The following LRPAP1 variants were observed in gnomAD, a reference collection of about 807,000 sequenced individuals.
LRPAP1 encodes LDL receptor related protein associated protein 1.
Under a neutral mutation model 39.9 loss-of-function variants are expected in LRPAP1, and 41 were observed. That is an observed-to-expected ratio of 1.03 (90% CI 0.80 to 1.33). The LOEUF (loss-of-function observed/expected upper bound fraction) is 1.33. Among genes scored for constraint, LRPAP1 ranks in the 40% most tolerant of loss-of-function variants. The pLI, the probability that LRPAP1 is intolerant of heterozygous loss-of-function variation, is 0.00. For missense variants in LRPAP1, 565 were observed against 482.3 expected (o/e 1.17, Z -1.61); for synonymous variants, 263 against 212.7 (o/e 1.24, Z -2.06).
chr4:3,527,986 C>G (rs1730129880), intron 1 of LRPAP1, among the ~76,000 whole-genome samples: 1 of 152,220 alleles, frequency 6.6e-6, no homozygotes, highest in African/African-American at 2.4e-5. Context: ...CACCGCATGT[C>G]TCACAAAAGC....
intron 7 of LRPAP1, among the ~76,000 whole-genome samples, chr4:3,514,528 C>T (rs1241236935): frequency 6.6e-6 from 1 of 152,262 alleles, no homozygotes; most frequent in Non-Finnish European, 1.5e-5. Context: ...GCGCTCTCAC[C>T]TGAGGGTCGG....
chr4:3,512,384 T>A lies in LRPAP1; in HGVS notation c.*590A>T, dbSNP rs1729555153. 6.5e-6 allele frequency: 1 copy of A among 153,816 alleles called. No homozygotes were observed. The allele number at this position is 153,816 out of a possible 1,614,324, so 9.5% of individuals were successfully genotyped here. On this transcript the variant is annotated 3_prime_UTR_variant, in exon 8 of 8. Transcript: ENST00000650182. Reference sequence around the variant, plus strand: ...CCACAGAACCACACGCTCCACATCTTCCCCTCAAACTCAACTCAAGCGCTC... The same window carrying A: ...CCACAGAACCACACGCTCCACATCTACCCCTCAAACTCAACTCAAGCGCTC...
At chr4:3,520,850 C>T (rs73197137) in intron 2 of LRPAP1, among the ~76,000 whole-genome samples, 1 of 152,240 alleles carries the variant, frequency 6.6e-6, no homozygotes, top group Admixed American at 6.5e-5. Context: ...GATCTGCCCA[C>T]GTGGTGCTCC....
rs895249594 is a variant in LRPAP1 at position 3,507,464 on chromosome 4, C to T, written c.*5510G>A. 3 of 126,120 alleles carry T rather than the reference C, an allele frequency of 2.4e-5. No individual in the cohort carries two copies. The highest frequency in any genetic ancestry group is 5.0e-5 in the Non-Finnish European group (3 of 60,284). The allele number at this position is 126,120 out of a possible 1,614,324, so 7.8% of individuals were successfully genotyped here. ...CAAAGAATGTGATTTGTATTATTTACCTACATATCATATATTTATACATTA... is the reference window on the plus strand; with the variant it reads ...CAAAGAATGTGATTTGTATTATTTATCTACATATCATATATTTATACATTA... On this transcript the variant is annotated 3_prime_UTR_variant, in exon 8 of 8. Coordinates refer to ENST00000650182, the MANE Select transcript of LRPAP1 (RefSeq NM_002337.4).
intron 3 of LRPAP1, 30 bp from the exon 4 acceptor site, chr4:3,519,021 C>T (rs1681476785): frequency 6.2e-7 from 1 of 1,607,532 alleles, no homozygotes; most frequent in Non-Finnish European, 8.5e-7. Flanking sequence ...TGGAGTGAAC[C>T]CGCCGCGGGC....
intron 2 of LRPAP1, 87 bp from the exon 3 acceptor site, chr4:3,520,280 G>A: frequency 7.0e-7 from 1 of 1,438,808 alleles, no homozygotes; most frequent in East Asian, 2.3e-5. Context: ...CGGTGGGTGA[G>A]ACAGGTTTGC....
In LRPAP1 at chr4:3,504,683, G is replaced by A. The variant is rs1023886517; in HGVS notation, c.*8291C>T. Among the ~76,000 whole-genome samples, 25 of 149,084 alleles carry A rather than the reference G, an allele frequency of 1.7e-4. No individual in the cohort carries two copies. The highest frequency in any genetic ancestry group is 5.4e-4 in the African/African-American group (22 of 40,396). On this transcript the variant is annotated 3_prime_UTR_variant, in exon 8 of 8. Coordinates refer to ENST00000650182, the MANE Select transcript of LRPAP1 (RefSeq NM_002337.4). ...GAGAATTTCTTGAACCCAGGAGGTG[G>A]AGGTTGCAGTGAGCCAAGATTGCGC...
chr4:3,504,401 G>A lies in LRPAP1; in HGVS notation c.*8573C>T, dbSNP rs1471068777. 2.6e-5 allele frequency: 4 copies of A among 152,182 alleles called. No homozygotes were observed. Among genetic ancestry groups the A allele is most frequent in the Non-Finnish European group, 4.4e-5 (3 of 68,066 alleles). 9.4% of individuals were successfully genotyped at this position (152,182 alleles called of 1,614,324 possible). A position where few individuals can be genotyped will look rare whatever the true frequency, so the allele number is the denominator to read the frequency against. On this transcript the variant is annotated 3_prime_UTR_variant, in exon 8 of 8. Transcript: ENST00000650182. ...AGCCGAGGTGGGCACATCACTTGAG[G>A]TCAGGAATTTGAGACCAGCCTGGCC...
rs1729374326 is a variant in LRPAP1 at position 3,507,022 on chromosome 4, GC to G, written c.*5951del. On this transcript the variant is annotated 3_prime_UTR_variant, in exon 8 of 8. Transcript: ENST00000650182. ...ACTTGAGACCAGGACTCCGAGACCA[GC>G]CTGGGCAACACAGCGAGACCCAGTC... The G allele has an allele frequency of 6.6e-6, 1 of 152,254 alleles. No individual in the cohort carries two copies. Among genetic ancestry groups the G allele is most frequent in the South Asian group, 2.0e-4 (1 of 4,882 alleles). 9.4% of individuals were successfully genotyped at this position (152,254 alleles called of 1,614,324 possible). A position where few individuals can be genotyped will look rare whatever the true frequency, so the allele number is the denominator to read the frequency against.
In LRPAP1 at chr4:3,508,319, T is replaced by A. The variant is rs1490486322; in HGVS notation, c.*4655A>T. 1.3e-5 allele frequency: 2 copies of A among 152,180 alleles called. No individual in the cohort carries two copies. The highest frequency in any genetic ancestry group is 2.4e-5 in the African/African-American group (1 of 41,438). 9.4% of individuals were successfully genotyped at this position (152,180 alleles called of 1,614,324 possible). ...CCATGCCAGGCCTCATGTCTATTTT[T>A]AAAAATCAAGTTCTTAATGAAAAAC... On this transcript the variant is annotated 3_prime_UTR_variant, in exon 8 of 8. Coordinates refer to ENST00000650182, the MANE Select transcript of LRPAP1 (RefSeq NM_002337.4).
intron 4 of LRPAP1, 32 bp downstream of exon 4, chr4:3,518,839 A>C (rs1427197719): frequency 1.8e-5 from 18 of 974,942 alleles, no homozygotes; most frequent in East Asian, 1.3e-4. Flanking sequence ...GGGGTGGGGC[A>C]GAGGGCAGGA....
In LRPAP1 at chr4:3,505,353, G is replaced by A. The variant is rs554540151; in HGVS notation, c.*7621C>T. The stretch of plus-strand genomic sequence containing the variant: ...AGCTCCAAATCCAGCATCCCTCCCC[G>A]GTGCCTAGCCCTCGCCAGGCTGCTG... On this transcript the variant is annotated 3_prime_UTR_variant, in exon 8 of 8. Coordinates refer to ENST00000650182, the MANE Select transcript of LRPAP1 (RefSeq NM_002337.4). Among the ~76,000 whole-genome samples the A allele has an allele frequency of 2.0e-4, 31 of 152,324 alleles. No individual in the cohort carries two copies. Among genetic ancestry groups the A allele is most frequent in the Admixed American group, 1.6e-3 (25 of 15,308 alleles).
At chr4:3,525,180 C>A (rs773202314) in intron 1 of LRPAP1, 129 bp from the exon 2 acceptor site, 14 of 1,021,348 alleles carry the variant, frequency 1.4e-5, no homozygotes, top group Non-Finnish European at 2.0e-5. Flanking sequence ...GTCAGGGTCA[C>A]TGTCAGCAGG....
In LRPAP1 at chr4:3,505,430, G is replaced by C. The variant is rs1447649573; in HGVS notation, c.*7544C>G. On this transcript the variant is annotated 3_prime_UTR_variant, in exon 8 of 8. Transcript: ENST00000650182. ...GACCCCTCACCACTGAGAGGAGTAA[G>C]GTGTACTTCCTTGTCAAGCATGACT... is the stretch of plus-strand genomic sequence containing the variant. 6.6e-6 allele frequency among the ~76,000 whole-genome samples: 1 copy of C among 152,214 alleles called. No individual in the cohort carries two copies. Among genetic ancestry groups the C allele is most frequent in the African/African-American group, 2.4e-5 (1 of 41,454 alleles).
At chr4:3,530,020 G>A (rs998837573) in intron 1 of LRPAP1, among the ~76,000 whole-genome samples, 3 of 152,174 alleles carry the variant, frequency 2.0e-5, no homozygotes, top group Non-Finnish European at 4.4e-5. Flanking sequence ...TTATCTTCCA[G>A]GGGGCGATCC....
At position 3,508,408 on chromosome 4, in the gene LRPAP1, A is replaced by C. The variant is rs1313073477; in HGVS notation, c.*4566T>G. On this transcript the variant is annotated 3_prime_UTR_variant, in exon 8 of 8. Transcript: ENST00000650182. ...CCATCACATCTCTATGAAACAAATA[A>C]TGCCAATCCTATACAAACTATGGCA... 1 of 152,224 alleles carries C rather than the reference A, an allele frequency of 6.6e-6. No individual in the cohort carries two copies. The highest frequency in any genetic ancestry group is 1.5e-5 in the Non-Finnish European group (1 of 68,042). The allele number at this position is 152,224 out of a possible 1,614,324, so 9.4% of individuals were successfully genotyped here.
At position 3,504,319 on chromosome 4, in the gene LRPAP1, A is replaced by G. The variant is rs1003264584; in HGVS notation, c.*8655T>C. ...GGCCCCCAAATAATTCTTCACAAAC[A>G]CTTAACAGTTCAGGCCGGGCACAGA... On this transcript the variant is annotated 3_prime_UTR_variant, in exon 8 of 8. Transcript: ENST00000650182. 4 of 152,156 alleles carry G rather than the reference A, an allele frequency of 2.6e-5. No homozygotes were observed. Among genetic ancestry groups the G allele is most frequent in the Admixed American group, 6.6e-5 (1 of 15,266 alleles). 9.4% of individuals were successfully genotyped at this position (152,156 alleles called of 1,614,324 possible).
intron 1 of LRPAP1, among the ~76,000 whole-genome samples, chr4:3,528,331 G>A (rs796498866): frequency 1.3e-5 from 2 of 152,312 alleles, no homozygotes; most frequent in African/African-American, 4.8e-5. Context: ...CACAAGCAGA[G>A]CCGACCGTGT....
intron 7 of LRPAP1, among the ~76,000 whole-genome samples, chr4:3,513,379 C>T (rs184323354): frequency 1.3e-5 from 2 of 152,334 alleles, no homozygotes; most frequent in East Asian, 3.9e-4. Flanking sequence ...ATGATCTCAG[C>T]TCACTGCAAC....
Sources: gnomAD v4.1 joint callset for allele counts (sites outside exome capture counted in the v4.1 genomes callset) on GRCh38, gnomAD v4.1.1 for gene constraint, MANE v1.5 for transcripts, NCBI Gene and HGNC (gene_info 2026-07-23, HGNC 2026-07-21) for gene names.